The following NCKAP5 variants were observed in gnomAD, a reference collection of about 807,000 sequenced individuals.
NCKAP5 encodes the protein nck-associated protein 5.
A neutral mutation model predicts 167.0 loss-of-function variants in NCKAP5; 92 were observed. The ratio of observed to expected loss-of-function variants is 0.55; its 90% CI spans 0.47 to 0.66. NCKAP5 has a LOEUF of 0.66. Among genes scored for constraint, NCKAP5 ranks in the 30% least tolerant of loss-of-function variants. The pLI, the probability that NCKAP5 is intolerant of heterozygous loss-of-function variation, is 0.00. For synonymous variants in NCKAP5, 891 were observed against 877.4 expected (o/e 1.02, Z -0.27); for missense variants, 2,378 against 2,315.0 (o/e 1.03, Z -0.56).
intron 8 of NCKAP5, among the ~76,000 whole-genome samples, chr2:132,897,819 T>A (rs1294400910): frequency 1.3e-5 from 2 of 152,224 alleles, no homozygotes; most frequent in Non-Finnish European, 1.5e-5. Flanking sequence ...TCAAAAATAG[T>A]GCATTGCTAA....
At chr2:132,892,797 A>G (rs887322465) in intron 8 of NCKAP5, among the ~76,000 whole-genome samples, 1 of 152,196 alleles carries the variant, frequency 6.6e-6, no homozygotes, top group Non-Finnish European at 1.5e-5. Context: ...TAGTTTATTT[A>G]TATACACAGT....
At chr2:133,202,184 A>G (rs2150125553) in intron 5 of NCKAP5, among the ~76,000 whole-genome samples, 1 of 152,312 alleles carries the variant, frequency 6.6e-6, no homozygotes, top group South Asian at 2.1e-4. Context: ...GTACCACAAC[A>G]GAGATATAGA....
intron 12 of NCKAP5, among the ~76,000 whole-genome samples, chr2:132,793,538 A>T (rs1558786379): frequency 2.6e-5 from 4 of 152,256 alleles, no homozygotes; most frequent in Admixed American, 2.6e-4. Context: ...ACAAGTTCCC[A>T]GGTGCTTCAA....
At chr2:133,246,936 T>C (rs2150320899) in intron 4 of NCKAP5, among the ~76,000 whole-genome samples, 1 of 152,310 alleles carries the variant, frequency 6.6e-6, no homozygotes, top group South Asian at 2.1e-4. Context: ...ATTCCCTGTA[T>C]CCCAGAAGTT....
At chr2:133,520,312 A>G (rs550775624) in intron 2 of NCKAP5, among the ~76,000 whole-genome samples, 7 of 152,326 alleles carry the variant, frequency 4.6e-5, no homozygotes, top group Non-Finnish European at 8.8e-5. Flanking sequence ...GAGGCTTGTA[A>G]GCTAATGTAT....
chr2:133,647,713 A>AAAGGAAGGAAGG, the NCKAP5 span, among the ~76,000 whole-genome samples: 13,640 of 85,572 alleles, frequency 0.16, 1,539 homozygotes, highest in South Asian at 0.2. Flanking sequence ...AAAGAAAAAG[A>AAAGGAAGGAAGG]AAGGAAGGAA....
At position 132,909,131 on chromosome 2, in the gene NCKAP5, GAGGTCAGGAGTTCAAGACC is replaced by G. The variant is rs1376389604; in HGVS notation, c.580-30234_580-30216del. ...GGAGGCCAAAGCAGGAGGACCACTT[GAGGTCAGGAGTTCAAGACC>G]AGCATGGTCAACATGGTGAAACCTC... On this transcript the variant is annotated intron_variant, in intron 8 of 19. Transcript: ENST00000409261. Among the ~76,000 whole-genome samples, 3 of 152,210 alleles carry G rather than the reference GAGGTCAGGAGTTCAAGACC, an allele frequency of 2.0e-5. No individual in the cohort carries two copies. The East Asian group carries it at 5.8e-4, about 29-fold the overall frequency.
chr2:133,606,579 C>A, the NCKAP5 span, among the ~76,000 whole-genome samples: 1 of 152,126 alleles, frequency 6.6e-6, no homozygotes, highest in African/African-American at 2.4e-5. Flanking sequence ...AACAATCGTT[C>A]TCAAACTCTA....
intron 3 of NCKAP5, among the ~76,000 whole-genome samples, chr2:133,394,363 T>C (rs1040339385): frequency 5.9e-5 from 9 of 152,128 alleles, no homozygotes; most frequent in East Asian, 1.9e-4. Flanking sequence ...CTGTCTCAGA[T>C]GTGGAAGTGA....
intron 11 of NCKAP5, among the ~76,000 whole-genome samples, chr2:132,840,760 T>A (rs1250983810): frequency 6.6e-6 from 1 of 152,222 alleles, no homozygotes; most frequent in East Asian, 1.9e-4. Flanking sequence ...TCTGTGTTTG[T>A]GTGCGTATGT....
chr2:133,283,115 G>A (rs1408881187), intron 4 of NCKAP5, among the ~76,000 whole-genome samples: 1 of 152,096 alleles, frequency 6.6e-6, no homozygotes, highest in Non-Finnish European at 1.5e-5. Context: ...AAGGAGCAGA[G>A]GTTCATTTTT....
chr2:132,702,240 T>TC (rs1243865628), intron 19 of NCKAP5, among the ~76,000 whole-genome samples: 1 of 152,128 alleles, frequency 6.6e-6, no homozygotes, highest in Non-Finnish European at 1.5e-5. Context: ...TCCACTGAGC[T>TC]CCCGTCCACT....
chr2:133,655,743 T>A, the NCKAP5 span, among the ~76,000 whole-genome samples: 1 of 152,220 alleles, frequency 6.6e-6, no homozygotes, highest in Non-Finnish European at 1.5e-5. Context: ...AAGCAGCTGC[T>A]GAAACTTAGT....
At chr2:133,070,561 G>C (rs961941436) in intron 6 of NCKAP5, among the ~76,000 whole-genome samples, 26 of 152,140 alleles carry the variant, frequency 1.7e-4, no homozygotes, top group African/African-American at 5.3e-4. Context: ...CTTTGGGGCT[G>C]GCAATGTTCA....
intron 5 of NCKAP5, among the ~76,000 whole-genome samples, chr2:133,146,833 T>C (rs1420160836): frequency 6.6e-6 from 1 of 152,114 alleles, no homozygotes; most frequent in Non-Finnish European, 1.5e-5. Context: ...CTCACGTGCA[T>C]ACACCTTAAA....
chr2:133,028,627 A>G (rs2078774826), intron 6 of NCKAP5, among the ~76,000 whole-genome samples: 1 of 152,234 alleles, frequency 6.6e-6, no homozygotes, highest in South Asian at 2.1e-4. Context: ...AGCACTTGCA[A>G]TTTAGTACAT....
intron 2 of NCKAP5, among the ~76,000 whole-genome samples, chr2:133,538,726 T>C (rs992413964): frequency 1.3e-5 from 2 of 151,968 alleles, no homozygotes; most frequent in Admixed American, 6.6e-5. Context: ...CATGAAAACA[T>C]AGTCTGGGAA....
chr2:133,658,106 C>T, the NCKAP5 span, among the ~76,000 whole-genome samples: 2 of 150,906 alleles, frequency 1.3e-5, no homozygotes, highest in Non-Finnish European at 3.0e-5. Context: ...CCCCAACGAC[C>T]CCCACCCCCT....
At chr2:133,407,756 C>A (rs1310119392) in intron 3 of NCKAP5, among the ~76,000 whole-genome samples, 2 of 152,144 alleles carry the variant, frequency 1.3e-5, no homozygotes, top group Non-Finnish European at 2.9e-5. Context: ...CCTTAAACTT[C>A]AAATCATAGA....
Sources: allele counts gnomAD v4.1 joint callset (sites outside exome capture counted in the v4.1 genomes callset), GRCh38; gene constraint gnomAD v4.1.1; transcripts MANE v1.5; gene names NCBI Gene and HGNC (gene_info 2026-07-23, HGNC 2026-07-21).